ARHGDIA: variants seen among roughly 807,000 people sequenced by gnomAD.
The protein encoded by ARHGDIA is rho GDP-dissociation inhibitor 1.
A neutral mutation model predicts 25.0 loss-of-function variants in ARHGDIA; 9 were observed. The observed-to-expected ratio is 0.36, with a 90% CI of 0.22 to 0.63. ARHGDIA has a LOEUF of 0.63. Ranked by LOEUF, ARHGDIA falls within the 20% of genes least tolerant of loss-of-function variation. The probability of loss-of-function intolerance (pLI) is 0.69; values close to 1 mark genes in which losing one functional copy is unlikely to be tolerated. For missense variants in ARHGDIA, 239 were observed against 264.3 expected (o/e 0.90, Z 0.66); for synonymous variants, 166 against 111.5 (o/e 1.49, Z -3.08).
rs2039151412 is a variant in ARHGDIA at position 81,868,776 on chromosome 17, C to T, written c.*100G>A. On this transcript the variant is annotated 3_prime_UTR_variant, in exon 6 of 6. Coordinates refer to ENST00000269321, the MANE Select transcript of ARHGDIA (RefSeq NM_004309.6). The stretch of plus-strand genomic sequence containing the variant: ...ACCAGGGTGGGAGGGGCACGGAGGG[C>T]CTGTCAGCACTTTGGTATGGGGAGG... 1.3e-6 allele frequency: 2 copies of T among 1,557,302 alleles called. No homozygotes were observed. Among genetic ancestry groups the T allele is most frequent in the African/African-American group, 1.4e-5 (1 of 73,382 alleles).
rs1420832087 is a variant in ARHGDIA, at chr17:81,868,999, C to T, written c.492G>A (p.Glu164=). The T allele has an allele frequency of 2.5e-6, 4 of 1,613,654 alleles. No individual in the cohort carries two copies. The African/African-American group carries it at 4.0e-5, about 16-fold the overall frequency. ...CCCGGGCCAGCATACCCTTGGGTGCCTCCTCCACGGGGGTCAGGAACTCGT... is the reference window on the plus strand; with the variant it reads ...CCCGGGCCAGCATACCCTTGGGTGCTTCCTCCACGGGGGTCAGGAACTCGT... ...EEYEFLTPVE[E]APKGMLARGS... The change falls in exon 6 of 6, where the codon GAG becomes GAA. Residue 164 remains glutamate, a synonymous_variant. Transcript: ENST00000269321.
rs756427462 is a variant in ARHGDIA, at chr17:81,869,877, G to A, written c.54C>T (p.Asn18=). ...AEQLAQIAAE[N]EEDEHSVNYK... ...AGTTGACCGAGTGCTCATCCTCCTCGTTCTCCGCTGCAATCTGGGCCAGCT... is the reference window on the plus strand; with the variant it reads ...AGTTGACCGAGTGCTCATCCTCCTCATTCTCCGCTGCAATCTGGGCCAGCT... The change falls in exon 2 of 6, where the codon AAC becomes AAT. Residue 18 remains asparagine (N), a synonymous_variant. Coordinates refer to ENST00000269321, the MANE Select transcript of ARHGDIA (RefSeq NM_004309.6). The A allele has an allele frequency of 6.2e-7, 1 of 1,613,952 alleles. No individual in the cohort carries two copies. The highest frequency in any genetic ancestry group is 8.5e-7 in the Non-Finnish European group (1 of 1,179,998).
rs1567851055 is a variant in ARHGDIA at position 81,869,021 on chromosome 17, T to A, written c.470A>T (p.Glu157Val). 1 of 1,613,606 alleles carries A rather than the reference T, an allele frequency of 6.2e-7. No individual in the cohort carries two copies. Residue 157 changes from glutamate (E) to valine (V), a missense_variant, in exon 6 of 6, where the codon GAG (glutamate) becomes GTG (valine). Around this residue, in one of 3 missense-constraint regions of ARHGDIA, gnomAD observed 75 missense variants for 122.4 expected, o/e 0.61. Coordinates refer to ENST00000269321, the MANE Select transcript of ARHGDIA (RefSeq NM_004309.6). ...GSYGPRAEEY[E>V]FLTPVEEAPK... ...TGCCTCCTCCACGGGGGTCAGGAAC[T>A]CGTACTCCTCGGCCCGGGGCCCATA...
chr17:81,869,921 G>C lies in ARHGDIA; in HGVS notation c.10C>G (p.Gln4Glu), dbSNP rs2039234747. The change falls in exon 2 of 6, where the codon CAG (glutamine) becomes GAG (glutamate). Residue 4 changes from glutamine to glutamate, a missense_variant. By Grantham distance (29) the Gln-to-Glu change is conservative. This residue lies in a region of ARHGDIA where 135 missense variants were observed against 119.8 expected (regional missense o/e 1.13). Transcript: ENST00000269321. MAE[Q>E]EPTAEQLAQI... ...GCCAGCTGCTCGGCTGTGGGCTCCTGCTCAGCCATGCTCAAGCTTAGCCTG... is the reference window on the plus strand; with the variant it reads ...GCCAGCTGCTCGGCTGTGGGCTCCTCCTCAGCCATGCTCAAGCTTAGCCTG... 5 of 1,613,096 alleles carry C rather than the reference G, an allele frequency of 3.1e-6. No homozygotes were observed. The highest frequency in any genetic ancestry group is 4.2e-6 in the Non-Finnish European group (5 of 1,179,994).
At position 81,869,915 on chromosome 17, in the gene ARHGDIA, G is replaced by T; in HGVS notation, c.16C>A (p.Pro6Thr). 2 of 1,613,546 alleles carry T rather than the reference G, an allele frequency of 1.2e-6. No homozygotes were observed. The highest frequency in any genetic ancestry group is 1.7e-6 in the Non-Finnish European group (2 of 1,180,010). The change falls in exon 2 of 6, where the codon CCC (proline) becomes ACC (threonine). Residue 6 changes from proline to threonine, a missense_variant. Transcript: ENST00000269321. MAEQE[P>T]TAEQLAQIAA... ...ATCTGGGCCAGCTGCTCGGCTGTGG[G>T]CTCCTGCTCAGCCATGCTCAAGCTT...
chr17:81,869,108 C>T, intron 5 of ARHGDIA, 33 bp from the exon 6 acceptor site: 1 of 1,612,722 alleles, frequency 6.2e-7, no homozygotes. Context: ...GTCAGCGGCC[C>T]CGCTTCCCCG....
chr17:81,869,086 A>C lies in ARHGDIA; in HGVS notation c.416-11T>G, dbSNP rs1346130150. ...AGTCAGTCTTGTCAACTGCGGCACA[A>C]GGAAGAGGGCGGTCAGCGGCCCCGC... On this transcript the variant is annotated splice_polypyrimidine_tract_variant and intron_variant, in intron 5 of 5. Transcript: ENST00000269321. 1.9e-6 allele frequency: 3 copies of C among 1,612,654 alleles called. No homozygotes were observed. The highest frequency in any genetic ancestry group is 2.5e-6 in the Non-Finnish European group (3 of 1,179,534).
In ARHGDIA at chr17:81,868,691, G is replaced by A. The variant is rs530110406; in HGVS notation, c.*185C>T. Reference sequence around the variant, plus strand: ...GAGACCGAGGAGGCTGGGCCTGTGGGTGGGGGAGGGCTGAGGAGGGGGGTC... The same window carrying A: ...GAGACCGAGGAGGCTGGGCCTGTGGATGGGGGAGGGCTGAGGAGGGGGGTC... On this transcript the variant is annotated 3_prime_UTR_variant, in exon 6 of 6. Transcript: ENST00000269321. 2.0e-6 allele frequency: 3 copies of A among 1,534,466 alleles called. No individual in the cohort carries two copies. Among genetic ancestry groups the A allele is most frequent in the African/African-American group, 2.7e-5 (2 of 73,016 alleles).
At chr17:81,869,261 G>C (rs2039185990) in intron 4 of ARHGDIA, 25 bp from the exon 5 acceptor site, 2 of 1,614,132 alleles carry the variant, frequency 1.2e-6, no homozygotes, top group Non-Finnish European at 1.7e-6. Flanking sequence ...GCGAGGATCA[G>C]GGAAGGTCGG....
chr17:81,870,219 A>T, intron 1 of ARHGDIA: 1 of 440,144 alleles, frequency 2.3e-6, no homozygotes, highest in South Asian at 2.9e-5. Flanking sequence ...ACGATGGAGG[A>T]GGCAGCAGCC....
rs1567850605 is a variant in ARHGDIA, at chr17:81,868,844, C to T, written c.*32G>A. ...CACATCCGCCTGTCCGTCGTCCGTC[C>T]GTCAGTCTGCCCTGCCCGCCTCTGG... On this transcript the variant is annotated 3_prime_UTR_variant, in exon 6 of 6. Coordinates refer to ENST00000269321, the MANE Select transcript of ARHGDIA (RefSeq NM_004309.6). 7 of 1,613,016 alleles carry T rather than the reference C, an allele frequency of 4.3e-6. No individual in the cohort carries two copies. The East Asian group carries it at 6.7e-5, about 15-fold the overall frequency.
Position 81,867,726 on chromosome 17 carries a change from C to T in ARHGDIA, c.*1150G>A, listed in dbSNP as rs1269863338. 6.6e-6 allele frequency: 1 copy of T among 152,438 alleles called. No individual in the cohort carries two copies. Among genetic ancestry groups the T allele is most frequent in the Non-Finnish European group, 1.5e-5 (1 of 68,174 alleles). The allele number at this position is 152,438 out of a possible 1,614,324, so 9.4% of individuals were successfully genotyped here. On this transcript the variant is annotated 3_prime_UTR_variant, in exon 6 of 6. Coordinates refer to ENST00000269321, the MANE Select transcript of ARHGDIA (RefSeq NM_004309.6). The stretch of plus-strand genomic sequence containing the variant: ...AAGCAGCAGACACCCCCAGCTCCTT[C>T]AGGGGCATTTATTTCCCGGTCAGAA...
chr17:81,869,938 C>T lies in ARHGDIA; in HGVS notation c.-8G>A, dbSNP rs994509342. 4.3e-6 allele frequency: 7 copies of T among 1,612,388 alleles called. No homozygotes were observed. Among genetic ancestry groups the T allele is most frequent in the African/African-American group, 1.3e-5 (1 of 74,932 alleles). ...GGGCTCCTGCTCAGCCATGCTCAAG[C>T]TTAGCCTGGGTCGGGACACCTGTGG... On this transcript the variant is annotated 5_prime_UTR_variant, in exon 2 of 6. Transcript: ENST00000269321.
rs200342668 is a variant in ARHGDIA, at chr17:81,869,129, C to T, written c.415+44G>A. ...GGCCCCGCTTCCCCGCCTGGCAGCACGCACCCAAGCGGCCCCCTCTGCCCT... is the reference window on the plus strand; with the variant it reads ...GGCCCCGCTTCCCCGCCTGGCAGCATGCACCCAAGCGGCCCCCTCTGCCCT... On this transcript the variant is annotated intron_variant, in intron 5 of 5. Coordinates refer to ENST00000269321, the MANE Select transcript of ARHGDIA (RefSeq NM_004309.6). 2,304 of 1,613,560 alleles carry T rather than the reference C, an allele frequency of 1.4e-3. 1 individual carries two copies. The highest frequency in any genetic ancestry group is 1.9e-3 in the Non-Finnish European group (2,204 of 1,179,844).
intron 1 of ARHGDIA, chr17:81,870,211 G>A (rs1598282922): frequency 4.4e-6 from 2 of 455,588 alleles, no homozygotes; most frequent in African/African-American, 2.0e-5. Context: ...CCCCCTCCAC[G>A]ATGGAGGAGG....
chr17:81,869,275 G>C (rs201706773), intron 4 of ARHGDIA, 39 bp from the exon 5 acceptor site: 66 of 1,613,910 alleles, frequency 4.1e-5, no homozygotes, highest in Non-Finnish European at 5.2e-5. Context: ...AGGTCGGTCC[G>C]GACCCCAGCC....
intron 3 of ARHGDIA, 51 bp from the exon 4 acceptor site, chr17:81,869,457 C>T (rs1007575764): frequency 1.2e-6 from 2 of 1,612,062 alleles, no homozygotes; most frequent in African/African-American, 2.7e-5. Flanking sequence ...CTGCGCGAAG[C>T]CCCAGCCCTG....
At position 81,868,431 on chromosome 17, in the gene ARHGDIA, A is replaced by G; in HGVS notation, c.*445T>C. ...GCTGGCCAGGGAGCAGCGGGGCTGG[A>G]GGACGGCCCGGCCCCCACGAGGCCG... On this transcript the variant is annotated 3_prime_UTR_variant, in exon 6 of 6. Transcript: ENST00000269321. 1 of 1,461,150 alleles carries G rather than the reference A, an allele frequency of 6.8e-7. No homozygotes were observed. Among genetic ancestry groups the G allele is most frequent in the Non-Finnish European group, 9.0e-7 (1 of 1,110,350 alleles). 90.5% of individuals were successfully genotyped at this position (1,461,150 alleles called of 1,614,324 possible).
Position 81,868,890 on chromosome 17 carries a change from CCTT to C in ARHGDIA, c.598_600del (p.Lys200del), listed in dbSNP as rs749862467. ...TCTGGCTGGGCTCAGTCCTTCCAGT[CCTT>C]CTTGATGGTGAGATTCCACTCCCAG... On this transcript the variant is annotated inframe_deletion, in exon 6 of 6. Coordinates refer to ENST00000269321, the MANE Select transcript of ARHGDIA (RefSeq NM_004309.6). The C allele has an allele frequency of 8.7e-6, 14 of 1,613,738 alleles. No individual in the cohort carries two copies. The highest frequency in any genetic ancestry group is 1.1e-5 in the South Asian group (1 of 91,070).
Sources: gnomAD v4.1 joint callset for allele counts on GRCh38, gnomAD v4.1.1 for gene constraint, gnomAD v4.1.1 regional missense constraint, MANE v1.5 for transcripts, NCBI Gene and HGNC (gene_info 2026-07-23, HGNC 2026-07-21) for gene names.